Variants in USP6NL observed in about 807,000 individuals in gnomAD.
USP6NL encodes the protein USP6 N-terminal like, also known as USP6 N-terminal-like protein.
In USP6NL, 26 loss-of-function variants were observed where a neutral mutation model predicts 61.9. That is an observed-to-expected ratio of 0.42 (90% confidence interval 0.31 to 0.58). The LOEUF is 0.58. Among genes scored for constraint, USP6NL ranks in the 20% least tolerant of loss-of-function variants. USP6NL has a pLI of 0.16. For synonymous variants in USP6NL, 432 were observed against 390.1 expected (o/e 1.11, Z -1.27); for missense variants, 1,114 against 1,034.3 (o/e 1.08, Z -1.06).
In USP6NL at chr10:11,465,342, A is replaced by G. The variant is rs1302658371; in HGVS notation, c.1079-1493T>C. On this transcript the variant is annotated intron_variant, in intron 14 of 14. Coordinates refer to ENST00000609104, the MANE Select transcript of USP6NL (RefSeq NM_014688.5). This position sits in a 1 kb window ranked among gnomAD's most constrained non-coding sequence, Gnocchi z 4.5. ...GATGAAAAACATAACCATTAAAGAA[A>G]AGGAAAACTGTGACGCCCAGAGTGG... Among the ~76,000 whole-genome samples, 4 of 152,150 alleles carry G rather than the reference A, an allele frequency of 2.6e-5. No homozygotes were observed. In the South Asian group the frequency reaches 8.3e-4, roughly 32 times the overall value.
chr10:11,576,006 T>C (rs554760756), intron 2 of USP6NL, among the ~76,000 whole-genome samples: 1 of 152,150 alleles, frequency 6.6e-6, no homozygotes, highest in Non-Finnish European at 1.5e-5. Context: ...ACTGTAGTTA[T>C]GTAACAGAAC....
Position 11,481,047 on chromosome 10 carries a change from C to A in USP6NL, c.1078+723G>T, listed in dbSNP as rs1330834158. Among the ~76,000 whole-genome samples, 3 of 152,166 alleles carry A rather than the reference C, an allele frequency of 2.0e-5. No homozygotes were observed. Among genetic ancestry groups the A allele is most frequent in the South Asian group, 2.1e-4 (1 of 4,824 alleles). On this transcript the variant is annotated intron_variant, in intron 14 of 14. Coordinates refer to ENST00000609104, the MANE Select transcript of USP6NL (RefSeq NM_014688.5). This position sits in a 1 kb window ranked among gnomAD's most constrained non-coding sequence, Gnocchi z 4.4. ...TTCTGCTCCTCTCCCATTTACCCTG[C>A]GGCTAGCTCTAGTAATGCCCCATTC...
Position 11,561,726 on chromosome 10 carries a change from T to A in USP6NL, c.5-34159A>T, listed in dbSNP as rs1017143488. Among the ~76,000 whole-genome samples the A allele has an allele frequency of 5.3e-5, 8 of 152,240 alleles. No individual in the cohort carries two copies. The highest frequency in any genetic ancestry group is 1.5e-5 in the Non-Finnish European group (1 of 68,040). ...CGCAGATGCAGAAATGGTATTTCTA[T>A]AGAATACTGACTTGCAGACTAGAAT... On this transcript the variant is annotated intron_variant, in intron 2 of 14. Coordinates refer to ENST00000609104, the MANE Select transcript of USP6NL (RefSeq NM_014688.5). The surrounding 1 kb of genome is among the most constrained non-coding windows in gnomAD (Gnocchi z 4.1).
At chr10:11,514,777 A>C (rs1229099590) in intron 5 of USP6NL, among the ~76,000 whole-genome samples, 1 of 152,226 alleles carries the variant, frequency 6.6e-6, no homozygotes, top group East Asian at 1.9e-4. Flanking sequence ...TGAAATTTTT[A>C]TAATTGTATA....
intron 2 of USP6NL, among the ~76,000 whole-genome samples, chr10:11,593,453 T>C (rs115081615): frequency 9.2e-4 from 140 of 152,310 alleles, no homozygotes; most frequent in African/African-American, 3.2e-3. Context: ...TTTTAAATCA[T>C]AGCCACAGTT....
chr10:11,485,904 A>G lies in USP6NL; in HGVS notation c.672T>C (p.Phe224=). 1 of 1,546,104 alleles carries G rather than the reference A, an allele frequency of 6.5e-7. No homozygotes were observed. The highest frequency in any genetic ancestry group is 8.7e-7 in the Non-Finnish European group (1 of 1,145,898). The change falls in exon 11 of 15, where the codon TTT becomes TTC. Residue 224 remains phenylalanine (F), a synonymous_variant. Transcript: ENST00000609104. This position sits in a 1 kb window ranked among gnomAD's most constrained non-coding sequence, Gnocchi z 4.8. ...SGPKHAMHGF[F]VQGFPKLLRF... Reference sequence around the variant, plus strand: ...TCAAGAGTTTAGGAAAACCTTGGACAAAAAAGCCTAGAATACAAACATAAA... The same window carrying G: ...TCAAGAGTTTAGGAAAACCTTGGACGAAAAAGCCTAGAATACAAACATAAA...
Position 11,489,065 on chromosome 10 carries a change from A to AC in USP6NL, c.664+36dup, listed in dbSNP as rs1262497319. 4 of 1,604,748 alleles carry AC rather than the reference A, an allele frequency of 2.5e-6. No homozygotes were observed. Among genetic ancestry groups the AC allele is most frequent in the Non-Finnish European group, 3.4e-6 (4 of 1,174,976 alleles). ...TTTGTTTTAATCTACTTTTTTCCCT[A>AC]CCTTGATTGTTTAGATAAAGCACAG... is the stretch of plus-strand genomic sequence containing the variant. On this transcript the variant is annotated intron_variant, in intron 10 of 14. Coordinates refer to ENST00000609104, the MANE Select transcript of USP6NL (RefSeq NM_014688.5). The surrounding 1 kb of genome is among the most constrained non-coding windows in gnomAD (Gnocchi z 5.7).
chr10:11,508,232 A>G (rs1834543898), intron 6 of USP6NL, among the ~76,000 whole-genome samples: 1 of 152,144 alleles, frequency 6.6e-6, no homozygotes, highest in Admixed American at 6.5e-5. Context: ...GGTAGTTAAC[A>G]TTTACTGAAT....
Position 11,596,650 on chromosome 10 carries a change from A to C in USP6NL, c.4+981T>G, listed in dbSNP as rs898945005. Reference sequence around the variant, plus strand: ...AAAAAAAAAAAAAAAACTCTTTCTTAATCTGTACTGAACTCATCTAGCCAC... The same window carrying C: ...AAAAAAAAAAAAAAAACTCTTTCTTCATCTGTACTGAACTCATCTAGCCAC... On this transcript the variant is annotated intron_variant, in intron 2 of 14. Transcript: ENST00000609104. The surrounding 1 kb of genome is among the most constrained non-coding windows in gnomAD (Gnocchi z 4.1). Among the ~76,000 whole-genome samples the C allele has an allele frequency of 6.6e-6, 1 of 151,766 alleles. No individual in the cohort carries two copies. Among genetic ancestry groups the C allele is most frequent in the Non-Finnish European group, 1.5e-5 (1 of 67,922 alleles).
intron 14 of USP6NL, among the ~76,000 whole-genome samples, chr10:11,473,875 A>G (rs1181713051): frequency 6.6e-6 from 1 of 152,218 alleles, no homozygotes; most frequent in Non-Finnish European, 1.5e-5. Flanking sequence ...AGATTTCTAA[A>G]GGTAAAAAGT....
intron 5 of USP6NL, among the ~76,000 whole-genome samples, chr10:11,516,352 C>G (rs1324724981): frequency 6.6e-6 from 1 of 152,218 alleles, no homozygotes; most frequent in Non-Finnish European, 1.5e-5. Context: ...ATAAAGACTG[C>G]AGACCAGCAA....
At chr10:11,558,168 G>A (rs1836789304) in intron 2 of USP6NL, among the ~76,000 whole-genome samples, 1 of 152,124 alleles carries the variant, frequency 6.6e-6, no homozygotes. Flanking sequence ...GTGACAGGTG[G>A]CTCCCAAACA....
chr10:11,517,377 A>C (rs1835001444), intron 5 of USP6NL, among the ~76,000 whole-genome samples: 1 of 152,052 alleles, frequency 6.6e-6, no homozygotes, highest in Non-Finnish European at 1.5e-5. Context: ...TTTCCCCTCC[A>C]CCTGCACTAC....
rs77522325 is a variant in USP6NL, at chr10:11,463,025, G to T, written c.1903C>A (p.Pro635Thr). ...GGAGAGTTTCCGTGGTAAACGGGGG[G>T]ATTGCTGTAGGAGGGGGGATGAGCT... is the stretch of plus-strand genomic sequence containing the variant. ...GLAHPPSYSN[P>T]PVYHGNSPKH... is the part of the protein sequence containing the mutation. Residue 635 changes from proline to threonine, a missense_variant, in exon 15 of 15, where the codon CCC becomes ACC. Physicochemically the swap from Pro to Thr is conservative, Grantham distance 38 (BLOSUM62 -1). Transcript: ENST00000609104. This position sits in a 1 kb window ranked among gnomAD's most constrained non-coding sequence, Gnocchi z 6.3. 4 of 1,613,930 alleles carry T rather than the reference G, an allele frequency of 2.5e-6. No homozygotes were observed. The highest frequency in any genetic ancestry group is 3.4e-6 in the Non-Finnish European group (4 of 1,179,858).
intron 3 of USP6NL, among the ~76,000 whole-genome samples, chr10:11,527,146 G>T (rs1318185497): frequency 6.6e-6 from 1 of 152,076 alleles, no homozygotes; most frequent in Non-Finnish European, 1.5e-5. Flanking sequence ...AAACAGGGAG[G>T]TGGGAGGTCA....
intron 13 of USP6NL, among the ~76,000 whole-genome samples, chr10:11,484,401 T>G (rs200673716): frequency 6.6e-6 from 1 of 152,124 alleles, no homozygotes; most frequent in Non-Finnish European, 1.5e-5. Flanking sequence ...CTCCAGTTTT[T>G]TTTTTTTTTT....
rs201982532 is a variant in USP6NL, at chr10:11,476,414, G to T, written c.1078+5356C>A. Among the ~76,000 whole-genome samples the T allele has an allele frequency of 6.6e-5, 10 of 152,190 alleles. No individual in the cohort carries two copies. In the East Asian group the frequency reaches 1.9e-3, roughly 29 times the overall value. On this transcript the variant is annotated intron_variant, in intron 14 of 14. Transcript: ENST00000609104. This position sits in a 1 kb window ranked among gnomAD's most constrained non-coding sequence, Gnocchi z 4.3. ...AAATAAGCTGGGCAATGGGTACCTGGGAGGAAGTCATTATACATTTCCTTA... is the reference window on the plus strand; with the variant it reads ...AAATAAGCTGGGCAATGGGTACCTGTGAGGAAGTCATTATACATTTCCTTA...
At chr10:11,530,563 A>G (rs1403450451) in intron 2 of USP6NL, among the ~76,000 whole-genome samples, 2 of 152,220 alleles carry the variant, frequency 1.3e-5, no homozygotes, top group Non-Finnish European at 2.9e-5. Context: ...TCAAATAAAT[A>G]AATTCTCAAT....
rs549716954 is a variant in USP6NL at position 11,461,557 on chromosome 10, T to G, written c.*884A>C. 1 of 152,258 alleles carries G rather than the reference T, an allele frequency of 6.6e-6. No individual in the cohort carries two copies. The highest frequency in any genetic ancestry group is 2.4e-5 in the African/African-American group (1 of 41,468). 9.4% of individuals were successfully genotyped at this position (152,258 alleles called of 1,614,324 possible). On this transcript the variant is annotated 3_prime_UTR_variant, in exon 15 of 15. Transcript: ENST00000609104. ...TAGTGTGGCTGCCCCACATGAGTACTGTGAGCACTGAGGGATCAGTAAGCT... is the reference window on the plus strand; with the variant it reads ...TAGTGTGGCTGCCCCACATGAGTACGGTGAGCACTGAGGGATCAGTAAGCT...
Sources: gnomAD v4.1 joint callset for allele counts (sites outside exome capture counted in the v4.1 genomes callset) on GRCh38, gnomAD v4.1.1 for gene constraint, Gnocchi (gnomAD v3.1) non-coding constraint, MANE v1.5 for transcripts, NCBI Gene and HGNC (gene_info 2026-07-23, HGNC 2026-07-21) for gene names.